PTPRG: variants seen among roughly 807,000 people sequenced by gnomAD.
PTPRG encodes the protein protein tyrosine phosphatase receptor type G.
In PTPRG, 102 loss-of-function variants were observed where a neutral mutation model predicts 165.3. The observed-to-expected ratio is 0.62, with a 90% CI of 0.53 to 0.73. The LOEUF (loss-of-function observed/expected upper bound fraction) is 0.73, where lower values mean the gene tolerates loss of function less well. Ranked by LOEUF, PTPRG falls within the 30% of genes least tolerant of loss-of-function variation. The probability of loss-of-function intolerance (pLI) is 0.00; values close to 1 mark genes in which losing one functional copy is unlikely to be tolerated. For synonymous variants in PTPRG, 675 were observed against 669.5 expected (o/e 1.01, Z -0.13); for missense variants, 1,866 against 1,861.4 (o/e 1.00, Z -0.05).
intron 2 of PTPRG, among the ~76,000 whole-genome samples, chr3:61,789,208 T>A (rs2034799149): frequency 6.6e-6 from 1 of 152,182 alleles, no homozygotes; most frequent in African/African-American, 2.4e-5. Context: ...CAGGTGATCC[T>A]CCCATCTCAA....
At chr3:61,738,333 T>TATATGTATATATATATGTGTATATAC (rs2032838840) in intron 1 of PTPRG, among the ~76,000 whole-genome samples, 1 of 129,482 alleles carries the variant, frequency 7.7e-6, no homozygotes, top group East Asian at 2.3e-4. Context: ...TATATATATA[T>TATATGTATATATATATGTGTATATAC]ATATGTATAT....
At chr3:61,676,281 C>A (rs761963657) in intron 1 of PTPRG, among the ~76,000 whole-genome samples, 1 of 151,204 alleles carries the variant, frequency 6.6e-6, no homozygotes, top group Non-Finnish European at 1.5e-5. Flanking sequence ...CACGGTGAAA[C>A]CCCGTCTCTA....
chr3:62,198,308 C>G (rs900793651), intron 10 of PTPRG, among the ~76,000 whole-genome samples: 4 of 152,126 alleles, frequency 2.6e-5, no homozygotes, highest in African/African-American at 9.7e-5. Flanking sequence ...GGCTTGGGTG[C>G]AGGTGACTTC....
chr3:62,006,193 G>A (rs141460646), intron 4 of PTPRG, among the ~76,000 whole-genome samples: 3 of 152,050 alleles, frequency 2.0e-5, no homozygotes, highest in African/African-American at 7.2e-5. Context: ...TATATCAATT[G>A]GGTTTCTCAT....
At chr3:62,155,711 G>A (rs1704510907) in intron 6 of PTPRG, among the ~76,000 whole-genome samples, 2 of 152,152 alleles carry the variant, frequency 1.3e-5, no homozygotes, top group African/African-American at 2.4e-5. Flanking sequence ...TTCTTGTTGG[G>A]TTTTTGCATT....
rs35443698 is a variant in PTPRG at position 61,763,532 on chromosome 3, A to ATT, written c.190+14554_190+14555dup. 4.1e-4 allele frequency among the ~76,000 whole-genome samples: 61 copies of ATT among 148,518 alleles called. 2 individuals are homozygous for ATT. The highest frequency in any genetic ancestry group is 1.6e-3 in the East Asian group (8 of 5,022). On this transcript the variant is annotated intron_variant, in intron 2 of 29. Coordinates refer to ENST00000474889, the MANE Select transcript of PTPRG (RefSeq NM_002841.4). ...AGACTCCTGCTACCACGCCCAGCTA[A>ATT]TTTTTGTATTTCTCCTTCGTTAGAG...
intron 2 of PTPRG, among the ~76,000 whole-genome samples, chr3:61,833,719 C>T (rs1263443680): frequency 2.0e-5 from 3 of 152,192 alleles, no homozygotes; most frequent in South Asian, 2.1e-4. Context: ...CCCGCCACCA[C>T]GCCTGGCTAC....
Position 61,876,766 on chromosome 3 carries a change from TC to T in PTPRG, c.191-112858del, listed in dbSNP as rs564010716. On this transcript the variant is annotated intron_variant, in intron 2 of 29. Coordinates refer to ENST00000474889, the MANE Select transcript of PTPRG (RefSeq NM_002841.4). ...TCTAATACAAAAAGGTATAAGCCCTTCTATTAATATAACTAGCTTCCTCCTC... is the reference window on the plus strand; with the variant it reads ...TCTAATACAAAAAGGTATAAGCCCTTTATTAATATAACTAGCTTCCTCCTC... 1.8e-3 allele frequency among the ~76,000 whole-genome samples: 273 copies of T among 152,194 alleles called. 1 individual carries two copies. The highest frequency in any genetic ancestry group is 6.3e-3 in the African/African-American group (263 of 41,540).
intron 2 of PTPRG, among the ~76,000 whole-genome samples, chr3:61,800,351 G>C (rs189837521): frequency 6.6e-6 from 1 of 152,070 alleles, no homozygotes; most frequent in African/African-American, 2.4e-5. Flanking sequence ...AATTCTTTGG[G>C]TCAAAAATAC....
At chr3:61,851,511 T>A (rs968643018) in intron 2 of PTPRG, among the ~76,000 whole-genome samples, 10 of 152,338 alleles carry the variant, frequency 6.6e-5, no homozygotes, top group African/African-American at 2.2e-4. Flanking sequence ...TGGCGTGCTT[T>A]ATCTGTATAA....
In PTPRG at chr3:62,048,663, C is replaced by T. The variant is rs143913620; in HGVS notation, c.520-29500C>T. Among the ~76,000 whole-genome samples the T allele has an allele frequency of 8.3e-4, 127 of 152,272 alleles. 2 individuals carry two copies. The highest frequency in any genetic ancestry group is 5.6e-3 in the Admixed American group (85 of 15,296). On this transcript the variant is annotated intron_variant, in intron 4 of 29. Transcript: ENST00000474889. ...GGGAGTCCCCATGAACACTTGTATA[C>T]GGAGATTGGAGTAAATGGTGCTATT...
At chr3:61,753,641 G>A (rs1444563497) in intron 2 of PTPRG, 5 of 438,078 alleles carry the variant, frequency 1.1e-5, no homozygotes, top group East Asian at 7.2e-5. Flanking sequence ...CTGGAGTGCA[G>A]TGCCTCGATC....
intron 4 of PTPRG, among the ~76,000 whole-genome samples, chr3:62,072,551 C>G (rs1314607844): frequency 6.6e-6 from 1 of 151,852 alleles, no homozygotes. Flanking sequence ...TGCAAGCAGT[C>G]TATCGGTGGC....
In PTPRG at chr3:62,214,259, T is replaced by C. The variant is rs1700440051; in HGVS notation, c.2156-4592T>C. 6.6e-6 allele frequency among the ~76,000 whole-genome samples: 1 copy of C among 152,184 alleles called. No individual in the cohort carries two copies. The highest frequency in any genetic ancestry group is 6.5e-5 in the Admixed American group (1 of 15,284). ...ATCTCCTGCTGCTGTGTGAGGGTGC[T>C]GAGGAAGAGAGTGGTGGTGATGATA... On this transcript the variant is annotated intron_variant, in intron 12 of 29. Transcript: ENST00000474889. The surrounding 1 kb of genome is among the most constrained non-coding windows in gnomAD (Gnocchi z 5.2).
intron 7 of PTPRG, among the ~76,000 whole-genome samples, chr3:62,157,907 T>G (rs904781814): frequency 6.7e-6 from 1 of 149,242 alleles, no homozygotes; most frequent in African/African-American, 2.6e-5. Flanking sequence ...AACACAAACA[T>G]AGAGAGATGG....
chr3:62,273,803 C>T lies in PTPRG; in HGVS notation c.3424C>T (p.Pro1142Ser). The T allele has an allele frequency of 6.2e-7, 1 of 1,613,720 alleles. No homozygotes were observed. Among genetic ancestry groups the T allele is most frequent in the Non-Finnish European group, 8.5e-7 (1 of 1,179,800 alleles). The change falls in exon 23 of 30, where the codon CCA becomes TCA. Residue 1142 changes from proline (P) to serine (S), a missense_variant. By Grantham distance (74) the Pro-to-Ser change is moderately conservative. Transcript: ENST00000474889. The surrounding 1 kb of genome is among the most constrained non-coding windows in gnomAD (Gnocchi z 4.1). ...CAGCTATGTTAACAGCATCCTTATA[C>T]CAGGAGTAGGAGGAAAGACACGACT... ...LHSYVNSILI[P>S]GVGGKTRLEK...
In PTPRG at chr3:62,240,379, AT is replaced by A. The variant is rs1701132119; in HGVS notation, c.2376-3427del. ...ACTCCCCCAATACCCAGAAAAAAAA[AT>A]GGAAAACAGCCCATCTGTCTATATT... On this transcript the variant is annotated intron_variant, in intron 14 of 29. Coordinates refer to ENST00000474889, the MANE Select transcript of PTPRG (RefSeq NM_002841.4). This position sits in a 1 kb window ranked among gnomAD's most constrained non-coding sequence, Gnocchi z 5.1. Among the ~76,000 whole-genome samples the A allele has an allele frequency of 6.6e-6, 1 of 152,162 alleles. No homozygotes were observed. The highest frequency in any genetic ancestry group is 6.5e-5 in the Admixed American group (1 of 15,274).
At chr3:61,730,526 C>T (rs1174115909) in intron 1 of PTPRG, among the ~76,000 whole-genome samples, 1 of 152,118 alleles carries the variant, frequency 6.6e-6, no homozygotes, top group East Asian at 1.9e-4. Flanking sequence ...GTTTGTTAAC[C>T]ACTTGCATCT....
rs970539306 is a variant in PTPRG, at chr3:62,295,355, A to G, written c.*2048A>G. The G allele has an allele frequency of 1.3e-5, 2 of 152,102 alleles. No homozygotes were observed. Among genetic ancestry groups the G allele is most frequent in the Admixed American group, 6.6e-5 (1 of 15,258 alleles). The allele number at this position is 152,102 out of a possible 1,614,324, so 9.4% of individuals were successfully genotyped here. A position where few individuals can be genotyped will look rare whatever the true frequency, so the allele number is the denominator to read the frequency against. On this transcript the variant is annotated 3_prime_UTR_variant, in exon 30 of 30. Transcript: ENST00000474889. ...GTGGGTTGTTTTAGATGTATAGAGT[A>G]TTGATATGAGTTAACACTTTTTAGT...
Sources: gnomAD v4.1 joint callset for allele counts (sites outside exome capture counted in the v4.1 genomes callset) on GRCh38, gnomAD v4.1.1 for gene constraint, Gnocchi (gnomAD v3.1) non-coding constraint, MANE v1.5 for transcripts, NCBI Gene and HGNC (gene_info 2026-07-23, HGNC 2026-07-21) for gene names.